The following NFATC4 variants were observed in gnomAD, a reference collection of about 807,000 sequenced individuals.
The protein encoded by NFATC4 is nuclear factor of activated T cells 4, also known as nuclear factor of activated T-cells, cytoplasmic 4.
In NFATC4, 25 loss-of-function variants were observed where a neutral mutation model predicts 73.4. The observed-to-expected ratio is 0.34, with a 90% confidence interval of 0.25 to 0.48. NFATC4 has a LOEUF of 0.48. NFATC4 is among the 20% of genes least tolerant of loss of function. The pLI, the probability that NFATC4 is intolerant of heterozygous loss-of-function variation, is 0.99. For synonymous variants in NFATC4, 523 were observed against 510.3 expected (o/e 1.02, Z -0.34); for missense variants, 1,130 against 1,203.7 (o/e 0.94, Z 0.91).
intron 3 of NFATC4, chr14:24,372,894 A>C: frequency 1.7e-6 from 1 of 596,560 alleles, no homozygotes; most frequent in Non-Finnish European, 3.0e-6. Context: ...GACAAAAGTC[A>C]CTGGGAGTTA....
Position 24,372,226 on chromosome 14 carries a change from G to C in NFATC4, c.1197-215G>C, listed in dbSNP as rs577681061. The C allele has an allele frequency of 1.3e-5, 7 of 559,752 alleles. No homozygotes were observed. In the East Asian group the frequency reaches 2.2e-4, roughly 17 times the overall value. The allele number at this position is 559,752 out of a possible 1,614,324, so 34.7% of individuals were successfully genotyped here. A position where few individuals can be genotyped will look rare whatever the true frequency, so the allele number is the denominator to read the frequency against. On this transcript the variant is annotated intron_variant, in intron 2 of 9. Transcript: ENST00000250373. ...GGGGCTCTGTCCCCTACTTCCCCTT[G>C]CTTCTGGACTTTTGGATTTCTTCAT...
At chr14:24,374,227 T>A in intron 5 of NFATC4, 99 bp from the exon 6 acceptor site, 1 of 1,425,486 alleles carries the variant, frequency 7.0e-7, no homozygotes, top group Non-Finnish European at 9.5e-7. Context: ...GAGGGCTCCC[T>A]CAGAGCCCTG....
At position 24,370,039 on chromosome 14, in the gene NFATC4, C is replaced by T. The variant is rs759727859; in HGVS notation, c.641C>T (p.Pro214Leu). Residue 214 changes from proline to leucine, a missense_variant, in exon 2 of 10, where the codon CCG (proline) becomes CTG (leucine). By Grantham distance (98) the Pro-to-Leu change is moderately conservative (BLOSUM62 -3). Coordinates refer to ENST00000250373, the MANE Select transcript of NFATC4 (RefSeq NM_004554.5). ...EAASRFGLGS[P>L]LPSPRASPRP... The stretch of plus-strand genomic sequence containing the variant: ...GCCTCCCGCTTTGGCCTGGGCTCCC[C>T]GCTGCCCTCGCCCCGGGCCTCCCCT... 1.2e-6 allele frequency: 2 copies of T among 1,610,228 alleles called. No homozygotes were observed. Among genetic ancestry groups the T allele is most frequent in the South Asian group, 1.1e-5 (1 of 91,074 alleles).
rs1270545586 is a variant in NFATC4, at chr14:24,369,850, G to T, written c.452G>T (p.Gly151Val). ...CCTAGAGATTACCCCCCACCAGAAG[G>T]CTTTGGGGGCTACAGAGAAGCAGGG... is the stretch of plus-strand genomic sequence containing the variant. Reference protein sequence around the residue: ...GSPRDYPPPEGFGGYREAGGQ... With the variant: ...GSPRDYPPPEVFGGYREAGGQ... The change falls in exon 2 of 10, where the codon GGC becomes GTC. Residue 151 changes from glycine (G) to valine (V), a missense_variant. Around this residue, in one of 3 missense-constraint regions of NFATC4, gnomAD observed 585 missense variants for 574.3 expected, o/e 1.02. Transcript: ENST00000250373. 2 of 1,608,354 alleles carry T rather than the reference G, an allele frequency of 1.2e-6. No homozygotes were observed. Among genetic ancestry groups the T allele is most frequent in the Non-Finnish European group, 1.7e-6 (2 of 1,177,744 alleles).
chr14:24,368,557 A>C, intron 1 of NFATC4, 117 bp downstream of exon 1: 3 of 880,156 alleles, frequency 3.4e-6, no homozygotes, highest in Non-Finnish European at 4.1e-6. Context: ...CAGAGGTCGA[A>C]GGGAGTCGGG....
In NFATC4 at chr14:24,373,996, T is replaced by C; in HGVS notation, c.1732+129T>C. The C allele has an allele frequency of 7.6e-7, 1 of 1,317,776 alleles. No individual in the cohort carries two copies. Among genetic ancestry groups the C allele is most frequent in the South Asian group, 1.3e-5 (1 of 79,130 alleles). 81.6% of individuals were successfully genotyped at this position (1,317,776 alleles called of 1,614,324 possible). ...TGTCCTGGGTAGCTCTATAGAGGAC[T>C]CAGCTTCTTTCTATTCTAGTTTGCC... is the stretch of plus-strand genomic sequence containing the variant. On this transcript the variant is annotated intron_variant, in intron 5 of 9. Coordinates refer to ENST00000250373, the MANE Select transcript of NFATC4 (RefSeq NM_004554.5). The surrounding 1 kb of genome is among the most constrained non-coding windows in gnomAD (Gnocchi z 4.7).
chr14:24,369,337 T>A (rs1373017250), intron 1 of NFATC4, 162 bp from the exon 2 acceptor site: 2 of 1,596,960 alleles, frequency 1.3e-6, no homozygotes, highest in African/African-American at 2.7e-5. Context: ...CTCCTCCATC[T>A]TCCCAGGTCC....
At position 24,372,760 on chromosome 14, in the gene NFATC4, G is replaced by A. The variant is rs866149072; in HGVS notation, c.1359+157G>A. 7.5e-5 allele frequency: 65 copies of A among 866,254 alleles called. No individual in the cohort carries two copies. In the Middle Eastern group the frequency reaches 1.0e-3, roughly 13 times the overall value. 53.7% of individuals were successfully genotyped at this position (866,254 alleles called of 1,614,324 possible). On this transcript the variant is annotated intron_variant, in intron 3 of 9. Coordinates refer to ENST00000250373, the MANE Select transcript of NFATC4 (RefSeq NM_004554.5). ...TGGAGTTGGGGGAGGAGGGGTGCAA[G>A]GACCCGGATATACTTTCTACTCCTG...
chr14:24,367,277 A>T (rs553523661), upstream of NFATC4: 1 of 1,587,864 alleles, frequency 6.3e-7, no homozygotes, highest in South Asian at 1.1e-5. Context: ...AGGGGAACCC[A>T]CAGGGTCCGG....
intron 5 of NFATC4, 124 bp from the exon 6 acceptor site, chr14:24,374,202 G>C: frequency 8.3e-7 from 1 of 1,209,200 alleles, no homozygotes; most frequent in Non-Finnish European, 1.2e-6. Context: ...GTTTATTTGT[G>C]TGTCTACTGC....
chr14:24,374,711 G>C (rs923308429), intron 6 of NFATC4: 1 of 419,134 alleles, frequency 2.4e-6, no homozygotes, highest in Non-Finnish European at 4.3e-6. Flanking sequence ...ATAAAGAGGA[G>C]TCTGCTTTGA....
chr14:24,372,949 C>T (rs1047986218), intron 3 of NFATC4: 15 of 608,048 alleles, frequency 2.5e-5, no homozygotes, highest in African/African-American at 3.7e-5. Flanking sequence ...GGAGGCTCTT[C>T]TGCCTTTGCC....
Position 24,373,267 on chromosome 14 carries a change from C to T in NFATC4, c.1456C>T (p.Arg486Cys), listed in dbSNP as rs771150744. The T allele has an allele frequency of 8.7e-6, 14 of 1,614,030 alleles. No individual in the cohort carries two copies. The highest frequency in any genetic ancestry group is 2.2e-5 in the East Asian group (1 of 44,882). ...GCCTCATGCCTTCTATCAGGTGCACCGTATCACAGGCAAGATGGTGGCCAC... is the reference window on the plus strand; with the variant it reads ...GCCTCATGCCTTCTATCAGGTGCACTGTATCACAGGCAAGATGGTGGCCAC... ...LRPHAFYQVHRITGKMVATAS... is the reference protein window; with the variant it reads ...LRPHAFYQVHCITGKMVATAS... The change falls in exon 4 of 10, where the codon CGT (arginine) becomes TGT (cysteine). Residue 486 changes from arginine to cysteine, a missense_variant. Coordinates refer to ENST00000250373, the MANE Select transcript of NFATC4 (RefSeq NM_004554.5). The surrounding 1 kb of genome is among the most constrained non-coding windows in gnomAD (Gnocchi z 4.7).
At position 24,373,395 on chromosome 14, in the gene NFATC4, A is replaced by C; in HGVS notation, c.1559+25A>C. The stretch of plus-strand genomic sequence containing the variant: ...AGTAAGTCCCATGCAACTTCCCCTC[A>C]GTCCGCAGGCTTTGTACTAGCTTTC... On this transcript the variant is annotated intron_variant, in intron 4 of 9. Coordinates refer to ENST00000250373, the MANE Select transcript of NFATC4 (RefSeq NM_004554.5). This position sits in a 1 kb window ranked among gnomAD's most constrained non-coding sequence, Gnocchi z 4.7. 6.2e-7 allele frequency: 1 copy of C among 1,612,280 alleles called. No homozygotes were observed. The highest frequency in any genetic ancestry group is 1.1e-5 in the South Asian group (1 of 90,958).
Position 24,373,293 on chromosome 14 carries a change from G to C in NFATC4, c.1482G>C (p.Thr494=). 1.2e-6 allele frequency: 2 copies of C among 1,614,174 alleles called. No homozygotes were observed. Among genetic ancestry groups the C allele is most frequent in the Non-Finnish European group, 1.7e-6 (2 of 1,180,034 alleles). Residue 494 remains threonine, a synonymous_variant, in exon 4 of 10, where the codon ACG becomes ACC. Transcript: ENST00000250373. The surrounding 1 kb of genome is among the most constrained non-coding windows in gnomAD (Gnocchi z 4.7). ...VHRITGKMVA[T]ASYEAVVSGT... is the part of the protein sequence containing the mutation. ...GTATCACAGGCAAGATGGTGGCCACGGCCAGCTATGAAGCCGTAGTCAGTG... is the reference window on the plus strand; with the variant it reads ...GTATCACAGGCAAGATGGTGGCCACCGCCAGCTATGAAGCCGTAGTCAGTG...
In NFATC4 at chr14:24,377,150, A is replaced by G; in HGVS notation, c.2641+272A>G. 2.3e-6 allele frequency: 3 copies of G among 1,293,642 alleles called. No individual in the cohort carries two copies. Among genetic ancestry groups the G allele is most frequent in the Non-Finnish European group, 2.9e-6 (3 of 1,025,436 alleles). The allele number at this position is 1,293,642 out of a possible 1,614,324, so 80.1% of individuals were successfully genotyped here. On this transcript the variant is annotated intron_variant, in intron 9 of 9. Coordinates refer to ENST00000250373, the MANE Select transcript of NFATC4 (RefSeq NM_004554.5). The surrounding 1 kb of genome is among the most constrained non-coding windows in gnomAD (Gnocchi z 4.2). Reference sequence around the variant, plus strand: ...ATCATAAAATCTCAGAGCTAGAAGCACTTTCAAGATCATTCCATCCAGCGC... The same window carrying G: ...ATCATAAAATCTCAGAGCTAGAAGCGCTTTCAAGATCATTCCATCCAGCGC...
At chr14:24,367,329 G>A, upstream of NFATC4, 1 of 1,539,674 alleles carries the variant, frequency 6.5e-7, no homozygotes, top group South Asian at 1.2e-5. Flanking sequence ...ATTTTTAGAA[G>A]AGCCGGAGTG....
At chr14:24,374,649 A>G in intron 6 of NFATC4, 183 bp downstream of exon 6, 1 of 560,308 alleles carries the variant, frequency 1.8e-6, no homozygotes, top group Non-Finnish European at 3.1e-6. Context: ...TATGACAGCA[A>G]TCTAAAATGT....
upstream of NFATC4, chr14:24,368,068 G>A (rs1228226011): frequency 4.3e-6 from 5 of 1,155,748 alleles, no homozygotes; most frequent in African/African-American, 4.8e-5. Context: ...GGGGCGCGTG[G>A]TTTTCCCATC....
Sources: gnomAD v4.1 joint callset for allele counts on GRCh38, gnomAD v4.1.1 for gene constraint, gnomAD v4.1.1 regional missense constraint, Gnocchi (gnomAD v3.1) non-coding constraint, MANE v1.5 for transcripts, NCBI Gene and HGNC (gene_info 2026-07-23, HGNC 2026-07-21) for gene names.